The following SYNE1 variants were observed in gnomAD, a reference collection of about 807,000 sequenced individuals.
SYNE1 encodes the protein spectrin repeat containing nuclear envelope protein 1.
In SYNE1, 616 loss-of-function variants were observed where a neutral mutation model predicts 1,111.0. That is an observed-to-expected ratio of 0.55 (90% CI 0.52 to 0.59). The LOEUF is 0.59. Among genes scored for constraint, SYNE1 ranks in the 20% least tolerant of loss-of-function variants. SYNE1 has a pLI of 0.00. For missense variants in SYNE1, 10,006 were observed against 10,417.0 expected, an observed-to-expected ratio of 0.96 and a Z score of 1.72; for synonymous variants, 3,855 against 3,825.8, an observed-to-expected ratio of 1.01 and a Z score of -0.28.
At chr6:152,615,081 G>T (rs1388087444) in intron 3 of SYNE1, among the ~76,000 whole-genome samples, 1 of 152,012 alleles carries the variant, frequency 6.6e-6, no homozygotes, top group Non-Finnish European at 1.5e-5. Context: ...GTATACCTAC[G>T]TATAAACCTG....
chr6:152,195,112 G>A (rs892602851), intron 127 of SYNE1, among the ~76,000 whole-genome samples: 1 of 151,994 alleles, frequency 6.6e-6, no homozygotes, highest in Non-Finnish European at 1.5e-5. Context: ...GTAGAGACAG[G>A]GTTTCTCCAT....
intron 46 of SYNE1, among the ~76,000 whole-genome samples, chr6:152,403,139 A>G (rs2097846988): frequency 6.6e-6 from 1 of 152,226 alleles, no homozygotes; most frequent in Admixed American, 6.5e-5. Flanking sequence ...AATCAACAGA[A>G]GCAGCAACAC....
chr6:152,372,464 A>C (rs1254843781), intron 59 of SYNE1, among the ~76,000 whole-genome samples: 2 of 152,254 alleles, frequency 1.3e-5, no homozygotes, highest in Admixed American at 6.5e-5. Context: ...TTTTCCTCTG[A>C]AAGAAGAGTC....
intron 128 of SYNE1, among the ~76,000 whole-genome samples, chr6:152,180,647 A>C (rs2067736562): frequency 6.6e-6 from 1 of 151,894 alleles, no homozygotes; most frequent in Non-Finnish European, 1.5e-5. Flanking sequence ...GGAAAGAGAG[A>C]TGGTAAAGAA....
chr6:152,515,052 T>C (rs1594435103), intron 6 of SYNE1, among the ~76,000 whole-genome samples: 1 of 152,124 alleles, frequency 6.6e-6, no homozygotes, highest in East Asian at 1.9e-4. Context: ...TGAAACTCTG[T>C]CACTACTAAA....
intron 121 of SYNE1, 113 bp downstream of exon 121, chr6:152,218,144 A>T: frequency 7.9e-7 from 1 of 1,272,650 alleles, no homozygotes; most frequent in East Asian, 2.3e-5. Flanking sequence ...GTGAGCCGAG[A>T]TCACACCACG....
At chr6:152,586,527 A>G (rs2099539552) in intron 3 of SYNE1, among the ~76,000 whole-genome samples, 1 of 151,920 alleles carries the variant, frequency 6.6e-6, no homozygotes, top group African/African-American at 2.4e-5. Context: ...TAGGTTTGCC[A>G]TACCACTTCT....
At chr6:152,608,551 G>C (rs2099622469) in intron 3 of SYNE1, among the ~76,000 whole-genome samples, 1 of 152,202 alleles carries the variant, frequency 6.6e-6, no homozygotes, top group Non-Finnish European at 1.5e-5. Context: ...GAGAGGGTCA[G>C]ACACTCTAGA....
At chr6:152,166,135 T>G (rs1355867204) in intron 130 of SYNE1, among the ~76,000 whole-genome samples, 3 of 152,188 alleles carry the variant, frequency 2.0e-5, no homozygotes, top group Admixed American at 2.0e-4. Flanking sequence ...GTTGGAGTGC[T>G]TGTTTTCTCC....
At chr6:152,287,897 C>A (rs146939536) in intron 95 of SYNE1, among the ~76,000 whole-genome samples, 3 of 152,076 alleles carry the variant, frequency 2.0e-5, no homozygotes, top group Admixed American at 2.0e-4. Context: ...AAACTTGCTG[C>A]AATTTTTAAA....
intron 95 of SYNE1, among the ~76,000 whole-genome samples, chr6:152,289,538 G>C (rs1265659756): frequency 6.6e-6 from 1 of 152,108 alleles, no homozygotes; most frequent in African/African-American, 2.4e-5. Flanking sequence ...CTACAGGTGT[G>C]CACCACCATG....
At chr6:152,444,222 C>A (rs1032711376) in intron 30 of SYNE1, among the ~76,000 whole-genome samples, 189 bp downstream of exon 30, 3 of 152,252 alleles carry the variant, frequency 2.0e-5, no homozygotes. Flanking sequence ...GCAGAATATC[C>A]TGAAATGTTT....
intron 3 of SYNE1, among the ~76,000 whole-genome samples, chr6:152,615,856 G>A (rs554017317): frequency 6.6e-6 from 1 of 152,254 alleles, no homozygotes; most frequent in Non-Finnish European, 1.5e-5. Flanking sequence ...CAAGAGCAAA[G>A]CACTCTTTAG....
chr6:152,174,929 C>A (rs530112431), intron 130 of SYNE1, among the ~76,000 whole-genome samples: 1 of 152,364 alleles, frequency 6.6e-6, no homozygotes, highest in Middle Eastern at 3.4e-3. Flanking sequence ...TGCGGTGGCT[C>A]ACACCTGTAA....
chr6:152,472,078 T>A (rs1471709001), intron 15 of SYNE1: 1 of 603,422 alleles, frequency 1.7e-6, no homozygotes, highest in East Asian at 2.8e-5. Flanking sequence ...GAAGAAACCA[T>A]TTCTGTGATT....
At chr6:152,241,688 T>C (rs2085752915) in intron 107 of SYNE1, among the ~76,000 whole-genome samples, 1 of 152,070 alleles carries the variant, frequency 6.6e-6, no homozygotes, top group Admixed American at 6.6e-5. Flanking sequence ...TAGAGGAGCA[T>C]ATGTGTAAGG....
At chr6:152,602,413 CAGA>C (rs958431902) in intron 3 of SYNE1, among the ~76,000 whole-genome samples, 14 of 152,262 alleles carry the variant, frequency 9.2e-5, no homozygotes, top group African/African-American at 3.4e-4. Context: ...TCCCAACCCT[CAGA>C]AGGAGTCACC....
intron 137 of SYNE1, chr6:152,145,855 T>C (rs2059385525): frequency 2.7e-6 from 1 of 368,760 alleles, no homozygotes; most frequent in Non-Finnish European, 5.3e-6. Flanking sequence ...TGGAACCCCA[T>C]CTCTACTAAA....
At chr6:152,453,116 T>C (rs1321679356) in intron 25 of SYNE1, among the ~76,000 whole-genome samples, 1 of 152,194 alleles carries the variant, frequency 6.6e-6, no homozygotes, top group African/African-American at 2.4e-5. Context: ...GGAAGAGGGG[T>C]ATGCTTTGTT....
Sources: allele counts gnomAD v4.1 joint callset (sites outside exome capture counted in the v4.1 genomes callset), GRCh38; gene constraint gnomAD v4.1.1; transcripts MANE v1.5; gene names NCBI Gene and HGNC (gene_info 2026-07-23, HGNC 2026-07-21).